Variants in PIP4K2A observed in about 807,000 individuals in gnomAD.
PIP4K2A encodes phosphatidylinositol 5-phosphate 4-kinase type-2 alpha.
A neutral mutation model predicts 42.9 loss-of-function variants in PIP4K2A; 14 were observed. The observed-to-expected ratio is 0.33, with a 90% CI of 0.22 to 0.51. The LOEUF (loss-of-function observed/expected upper bound fraction) is 0.51. Among genes scored for constraint, PIP4K2A ranks in the 20% least tolerant of loss-of-function variants. The probability of loss-of-function intolerance (pLI) is 0.97; values close to 1 mark genes in which losing one functional copy is unlikely to be tolerated. For missense variants in PIP4K2A, 434 were observed against 519.8 expected, an observed-to-expected ratio of 0.83 and a Z score of 1.61; for synonymous variants, 192 against 192.2, an observed-to-expected ratio of 1.00 and a Z score of 0.01.
chr10:22,654,684 C>A (rs945347590), intron 1 of PIP4K2A, among the ~76,000 whole-genome samples: 3 of 152,206 alleles, frequency 2.0e-5, no homozygotes, highest in African/African-American at 7.2e-5. Context: ...GGTGGGGAAG[C>A]CCTGCAAGCT....
intron 1 of PIP4K2A, among the ~76,000 whole-genome samples, chr10:22,674,782 A>AAAATAAAT (rs71395814): frequency 0.015 from 2,233 of 148,488 alleles, 27 homozygotes; most frequent in African/African-American, 0.039. Flanking sequence ...TCTCTACCAA[A>AAAATAAAT]AAATAAATAA....
intron 1 of PIP4K2A, among the ~76,000 whole-genome samples, chr10:22,677,239 C>T (rs575290249): frequency 2.0e-5 from 3 of 152,060 alleles, no homozygotes; most frequent in South Asian, 2.1e-4. Context: ...CTCCGGGCAC[C>T]GATTCCACAC....
chr10:22,637,679 A>G (rs1838696896), intron 1 of PIP4K2A, among the ~76,000 whole-genome samples: 1 of 152,190 alleles, frequency 6.6e-6, no homozygotes, highest in Non-Finnish European at 1.5e-5. Context: ...CAAGCAGTGT[A>G]AAGTGCACCG....
chr10:22,561,565 G>GTTTTTTTTTTTTTTTTTTTTTTTTT lies in PIP4K2A; in HGVS notation c.678+6261_678+6285dup, dbSNP rs71394001. On this transcript the variant is annotated intron_variant, in intron 6 of 9. Transcript: ENST00000376573. ...TATGTCACCAGAGATTCTCTACGCA[G>GTTTTTTTTTTTTTTTTTTTTTTTTT]TTTTTTTTTTTTTTTTTTTTTTTTT... Among the ~76,000 whole-genome samples the GTTTTTTTTTTTTTTTTTTTTTTTTT allele has an allele frequency of 3.2e-4, 36 of 113,500 alleles. 18 individuals carry two copies. Among genetic ancestry groups the GTTTTTTTTTTTTTTTTTTTTTTTTT allele is most frequent in the African/African-American group, 4.2e-4 (12 of 28,314 alleles). 74.5% of individuals were successfully genotyped at this position (113,500 alleles called of 152,430 possible). A position where few individuals can be genotyped will look rare whatever the true frequency, so the allele number is the denominator to read the frequency against.
intron 6 of PIP4K2A, among the ~76,000 whole-genome samples, chr10:22,553,902 G>C (rs1395783737): frequency 6.6e-6 from 1 of 150,522 alleles, no homozygotes; most frequent in East Asian, 1.9e-4. Flanking sequence ...TTGGGACTCT[G>C]AGACAGGAGG....
At chr10:22,539,623 C>T (rs776555727) in intron 9 of PIP4K2A, 5 of 223,752 alleles carry the variant, frequency 2.2e-5, no homozygotes, top group Non-Finnish European at 3.5e-5. Context: ...TGTGTAACAT[C>T]CTAGTGATGC....
intron 6 of PIP4K2A, among the ~76,000 whole-genome samples, chr10:22,561,549 A>G (rs986529060): frequency 4.7e-5 from 7 of 147,914 alleles, no homozygotes; most frequent in African/African-American, 1.7e-4. Flanking sequence ...CTATGTCACC[A>G]GAGATTCTCT....
At chr10:22,623,396 C>T (rs145432453) in intron 1 of PIP4K2A, among the ~76,000 whole-genome samples, 25 of 152,158 alleles carry the variant, frequency 1.6e-4, no homozygotes, top group Admixed American at 9.2e-4. Flanking sequence ...AGGGGCAGAC[C>T]GCAGCTCTAA....
chr10:22,604,963 C>A (rs1837875180), intron 3 of PIP4K2A, among the ~76,000 whole-genome samples: 1 of 152,158 alleles, frequency 6.6e-6, no homozygotes, highest in African/African-American at 2.4e-5. Flanking sequence ...GCGAGGTGAC[C>A]CTGGAGCCAG....
At chr10:22,672,428 C>A (rs1219859191) in intron 1 of PIP4K2A, among the ~76,000 whole-genome samples, 1 of 152,192 alleles carries the variant, frequency 6.6e-6, no homozygotes, top group African/African-American at 2.4e-5. Context: ...GTGATTTAAT[C>A]TGGATAACAC....
chr10:22,601,161 A>AAAC lies in PIP4K2A; in HGVS notation c.339+6763_339+6765dup, dbSNP rs545046639. On this transcript the variant is annotated intron_variant, in intron 3 of 9. Transcript: ENST00000376573. ...AAAAAAAAAAAAAAAAAAAAAAAAA[A>AAAC]AACAAACCAGGAACATGTCCCCAAG... Among the ~76,000 whole-genome samples, 21 of 92,364 alleles carry AAAC rather than the reference A, an allele frequency of 2.3e-4. 4 individuals carry two copies. The highest frequency in any genetic ancestry group is 5.3e-4 in the African/African-American group (15 of 28,052). 60.6% of individuals were successfully genotyped at this position (92,364 alleles called of 152,430 possible). A position where few individuals can be genotyped will look rare whatever the true frequency, so the allele number is the denominator to read the frequency against.
intron 1 of PIP4K2A, among the ~76,000 whole-genome samples, chr10:22,713,585 C>A (rs878928795): frequency 6.6e-6 from 1 of 152,228 alleles, no homozygotes; most frequent in Non-Finnish European, 1.5e-5. Flanking sequence ...GCCAAAAAGC[C>A]GACTTGTGCC....
intron 6 of PIP4K2A, among the ~76,000 whole-genome samples, chr10:22,552,169 G>A (rs1002295791): frequency 6.6e-6 from 1 of 152,182 alleles, no homozygotes; most frequent in East Asian, 1.9e-4. Context: ...GAGTCAAGTA[G>A]AGAGATGCAA....
intron 1 of PIP4K2A, among the ~76,000 whole-genome samples, chr10:22,658,886 A>G (rs1056121540): frequency 6.6e-6 from 1 of 152,254 alleles, no homozygotes; most frequent in African/African-American, 2.4e-5. Flanking sequence ...GTCATATTCA[A>G]TCCCATGACT....
chr10:22,714,117 G>A (rs1346337321), intron 1 of PIP4K2A, 66 bp downstream of exon 1: 2 of 1,477,572 alleles, frequency 1.4e-6, no homozygotes, highest in East Asian at 5.0e-5. Context: ...GCAGCCGGAG[G>A]AGGAGGGGAA....
chr10:22,707,129 T>C lies in PIP4K2A; in HGVS notation c.144+7054A>G, dbSNP rs73598594. The stretch of plus-strand genomic sequence containing the variant: ...AAGACCCTGTCTCTATTTTAAAGGA[T>C]AGTAATAATGACAGCTAGCACATTA... On this transcript the variant is annotated intron_variant, in intron 1 of 9. Coordinates refer to ENST00000376573, the MANE Select transcript of PIP4K2A (RefSeq NM_005028.5). Among the ~76,000 whole-genome samples the C allele has an allele frequency of 3.5e-3, 537 of 152,252 alleles. 4 individuals carry two copies. The highest frequency in any genetic ancestry group is 0.011 in the African/African-American group (457 of 41,552).
intron 1 of PIP4K2A, among the ~76,000 whole-genome samples, chr10:22,620,889 T>A (rs887121191): frequency 6.6e-6 from 1 of 152,172 alleles, no homozygotes; most frequent in Non-Finnish European, 1.5e-5. Flanking sequence ...AAGACACACA[T>A]AACCTCTTTA....
chr10:22,613,398 A>G (rs1268989202), intron 1 of PIP4K2A, among the ~76,000 whole-genome samples: 1 of 152,050 alleles, frequency 6.6e-6, no homozygotes, highest in Non-Finnish European at 1.5e-5. Context: ...GTGGGAGGGG[A>G]TGGGATTCAG....
intron 6 of PIP4K2A, among the ~76,000 whole-genome samples, chr10:22,560,981 T>G (rs1836678373): frequency 6.6e-6 from 1 of 152,230 alleles, no homozygotes; most frequent in African/African-American, 2.4e-5. Context: ...AAGACTGTCA[T>G]TTGTAAAAAG....
Sources: allele counts gnomAD v4.1 joint callset (sites outside exome capture counted in the v4.1 genomes callset), GRCh38; gene constraint gnomAD v4.1.1; transcripts MANE v1.5; gene names NCBI Gene and HGNC (gene_info 2026-07-23, HGNC 2026-07-21).